HOMER2: variants seen among roughly 807,000 people sequenced by gnomAD.
HOMER2 encodes the protein homer scaffold protein 2, also known as homer protein homolog 2.
HOMER2 carries 27 observed loss-of-function variants against 47.0 expected under a neutral mutation model. The observed-to-expected ratio is 0.57, with a 90% CI of 0.42 to 0.79. HOMER2 has a LOEUF of 0.79. Ranked by LOEUF, HOMER2 falls within the 30% of genes least tolerant of loss-of-function variation. HOMER2 has a pLI of 0.00. For synonymous variants in HOMER2, 161 were observed against 163.8 expected (o/e 0.98, Z 0.13); for missense variants, 443 against 435.0 (o/e 1.02, Z -0.16).
At chr15:82,957,225 C>T (rs2054594750), upstream of HOMER2, among the ~76,000 whole-genome samples, 1 of 148,278 alleles carries the variant, frequency 6.7e-6, no homozygotes, top group Non-Finnish European at 1.5e-5. Flanking sequence ...TGCAGTGAGC[C>T]AAGATACTGT....
At chr15:82,844,272 C>T (rs1406781319), downstream of HOMER2, 1 of 151,258 alleles carries the variant, frequency 6.6e-6, no homozygotes, top group African/African-American at 2.4e-5. Context: ...ACTTTTGAGC[C>T]AGTGATAACT....
chr15:82,960,850 C>T (rs1949077778), intron 1 of HOMER2, among the ~76,000 whole-genome samples: 2 of 152,162 alleles, frequency 1.3e-5, no homozygotes, highest in Non-Finnish European at 2.9e-5. Context: ...GTGAGGTCTT[C>T]TGGAAATCTG....
At chr15:82,935,078 C>A (rs1199858995) in intron 1 of HOMER2, among the ~76,000 whole-genome samples, 1 of 147,316 alleles carries the variant, frequency 6.8e-6, no homozygotes, top group Non-Finnish European at 1.5e-5. Context: ...GGCTCCTCTG[C>A]CCCCCGCCTT....
At chr15:82,929,672 A>AAT in intron 1 of HOMER2, among the ~76,000 whole-genome samples, 1 of 151,548 alleles carries the variant, frequency 6.6e-6, no homozygotes, top group Non-Finnish European at 1.5e-5. Flanking sequence ...AAAAAAAAAA[A>AAT]AAATCAAAGG....
At chr15:82,851,908 C>A (rs1199378200) in intron 7 of HOMER2, among the ~76,000 whole-genome samples, 1 of 152,206 alleles carries the variant, frequency 6.6e-6, no homozygotes, top group Non-Finnish European at 1.5e-5. Context: ...ATGTTCAGCT[C>A]CCTTGTGGAT....
chr15:82,858,905 G>C lies in HOMER2; in HGVS notation c.494+124C>G, dbSNP rs964417969. On this transcript the variant is annotated intron_variant, in intron 5 of 8. Coordinates refer to ENST00000450735, the MANE Select transcript of HOMER2 (RefSeq NM_004839.4). The stretch of plus-strand genomic sequence containing the variant: ...GCCTTCCTTTCACCAGGAGACAAGA[G>C]TGGATGCTCTAAGCAGGTCCCAGTT... 8.0e-6 allele frequency: 9 copies of C among 1,128,726 alleles called. No homozygotes were observed. The East Asian group carries it at 2.3e-4, about 29-fold the overall frequency. 69.9% of individuals were successfully genotyped at this position (1,128,726 alleles called of 1,614,324 possible). A position where few individuals can be genotyped will look rare whatever the true frequency, so the allele number is the denominator to read the frequency against.
intron 1 of HOMER2, among the ~76,000 whole-genome samples, chr15:82,904,509 A>G (rs1430107641): frequency 2.0e-5 from 3 of 152,158 alleles, no homozygotes; most frequent in African/African-American, 4.8e-5. Context: ...GGGGAGGGGA[A>G]TGCAGCCATT....
In HOMER2 at chr15:82,979,044, T is replaced by G. The variant is rs2030303756; in HGVS notation, n.82+6743A>C. 1.3e-5 allele frequency among the ~76,000 whole-genome samples: 2 copies of G among 152,228 alleles called. 1 individual carries two copies. Among genetic ancestry groups the G allele is most frequent in the Non-Finnish European group, 2.9e-5 (2 of 68,044 alleles). On this transcript the variant is annotated intron_variant and non_coding_transcript_variant, in intron 1 of 1. Coordinates refer to the HOMER2 transcript ENST00000500334. ...ACGATCTGACAGTTTTATAAGGGGC[T>G]TCCCCCTTTACTTGGTTCTCACTTT...
rs563807847 is a variant in HOMER2, at chr15:82,878,525, A to T, written c.163-3121T>A. On this transcript the variant is annotated intron_variant, in intron 2 of 8. Coordinates refer to ENST00000450735, the MANE Select transcript of HOMER2 (RefSeq NM_004839.4). The stretch of plus-strand genomic sequence containing the variant: ...TTCATTCAGCTTCTTAAATCTGTAG[A>T]CTCATCAGTTTTTAGAAAATTCTCA... 1.0e-3 allele frequency among the ~76,000 whole-genome samples: 159 copies of T among 152,244 alleles called. No homozygotes were observed. The Middle Eastern group carries it at 0.014, about 13-fold the overall frequency.
chr15:82,894,720 TA>T, intron 1 of HOMER2, among the ~76,000 whole-genome samples: 1 of 151,352 alleles, frequency 6.6e-6, no homozygotes, highest in East Asian at 1.9e-4. Flanking sequence ...GCTACAGATT[TA>T]ATAAGTACTT....
At chr15:82,976,408 C>T (rs1439903645) in intron 1 of HOMER2, among the ~76,000 whole-genome samples, 1 of 152,046 alleles carries the variant, frequency 6.6e-6, no homozygotes, top group Non-Finnish European at 1.5e-5. Context: ...AGCGATGCTC[C>T]TGCCTTAGCC....
intron 1 of HOMER2, among the ~76,000 whole-genome samples, chr15:82,948,215 C>A (rs1033696572): frequency 1.3e-5 from 2 of 152,040 alleles, no homozygotes; most frequent in Non-Finnish European, 2.9e-5. Flanking sequence ...CACGATGAAA[C>A]CCCGTCTCTA....
At chr15:82,941,305 G>A (rs1376372839) in intron 1 of HOMER2, among the ~76,000 whole-genome samples, 1 of 151,664 alleles carries the variant, frequency 6.6e-6, no homozygotes, top group African/African-American at 2.4e-5. Context: ...TTAGCCGGTT[G>A]TGGTGGTACA....
intron 1 of HOMER2, among the ~76,000 whole-genome samples, chr15:82,935,845 C>A (rs900569590): frequency 7.2e-5 from 11 of 152,196 alleles, no homozygotes; most frequent in Admixed American, 1.3e-4. Context: ...GACCTGGAGA[C>A]CTTCGATGGG....
At chr15:82,951,980 A>G (rs2054516437) in intron 1 of HOMER2, 12 of 833,822 alleles carry the variant, frequency 1.4e-5, no homozygotes, top group Non-Finnish European at 1.7e-5. Flanking sequence ...CTGAGCATCT[A>G]CTCAGTTGTT....
downstream of HOMER2, chr15:82,844,011 G>A (rs1018666882): frequency 3.9e-5 from 6 of 152,210 alleles, no homozygotes; most frequent in Non-Finnish European, 7.3e-5. Flanking sequence ...GCTGCTCCAC[G>A]TAGTCACTCA....
rs749332244 is a variant in HOMER2, at chr15:82,852,199, GTTC to G, written c.702_704del (p.Lys234del). ...CCTCGATCCTCCTCTTCAGCTGCGT[GTTC>G]TTCTCCTTCTCTCTGTTGATCTCAC... On this transcript the variant is annotated inframe_deletion, in exon 7 of 9. Coordinates refer to ENST00000450735, the MANE Select transcript of HOMER2 (RefSeq NM_004839.4). 7 of 1,613,858 alleles carry G rather than the reference GTTC, an allele frequency of 4.3e-6. No homozygotes were observed. Among genetic ancestry groups the G allele is most frequent in the Admixed American group, 1.7e-5 (1 of 60,010 alleles).
chr15:82,952,855 C>T (rs2054540354), upstream of HOMER2: 1 of 283,094 alleles, frequency 3.5e-6, no homozygotes, highest in Non-Finnish European at 5.3e-6. Flanking sequence ...GGGGGCGCAG[C>T]ACTGTGTGCA....
chr15:82,945,714 T>A (rs1203071444), intron 1 of HOMER2, among the ~76,000 whole-genome samples: 1 of 151,730 alleles, frequency 6.6e-6, no homozygotes, highest in Non-Finnish European at 1.5e-5. Context: ...CTGACGCCTG[T>A]AATCCCAACA....
Sources: allele counts gnomAD v4.1 joint callset (sites outside exome capture counted in the v4.1 genomes callset), GRCh38; gene constraint gnomAD v4.1.1; transcripts MANE v1.5; gene names NCBI Gene and HGNC (gene_info 2026-07-23, HGNC 2026-07-21).